The following FAM53B variants were observed in gnomAD, a reference collection of about 807,000 sequenced individuals.
FAM53B encodes the protein protein FAM53B.
In FAM53B, 12 loss-of-function variants were observed where a neutral mutation model predicts 32.7. The observed-to-expected ratio is 0.37, with a 90% CI of 0.24 to 0.59. The LOEUF is 0.59. FAM53B is among the 20% of genes least tolerant of loss of function. The pLI is 0.72. For missense variants in FAM53B, 477 were observed against 577.7 expected (o/e 0.83, Z 1.79); for synonymous variants, 234 against 228.7 (o/e 1.02, Z -0.21).
At chr10:124,727,623 A>T (rs1202065944) in intron 1 of FAM53B, among the ~76,000 whole-genome samples, 1 of 152,060 alleles carries the variant, frequency 6.6e-6, no homozygotes, top group Non-Finnish European at 1.5e-5. Context: ...CTGTGCCAAT[A>T]ACCTGGAGAG....
chr10:124,663,645 A>G (rs1476076414), intron 4 of FAM53B, among the ~76,000 whole-genome samples: 1 of 152,186 alleles, frequency 6.6e-6, no homozygotes, highest in Non-Finnish European at 1.5e-5. Context: ...GAGGTTCTGA[A>G]GTCCCATCGT....
At position 124,671,189 on chromosome 10, in the gene FAM53B, T is replaced by G. The variant is rs117728936; in HGVS notation, c.906+10418A>C. The G allele has an allele frequency of 4.4e-3, 1,983 of 453,534 alleles. 12 individuals are homozygous for G. The highest frequency in any genetic ancestry group is 7.1e-3 in the Non-Finnish European group (1,587 of 223,982). The allele number at this position is 453,534 out of a possible 1,614,324, so 28.1% of individuals were successfully genotyped here. A position where few individuals can be genotyped will look rare whatever the true frequency, so the allele number is the denominator to read the frequency against. ...AGCAATCTGCTCCATTCACAGCAGT[T>G]GCTTCCCATTTGCTGCATTTCCAAC... On this transcript the variant is annotated intron_variant, in intron 4 of 4. Transcript: ENST00000337318.
At chr10:124,653,907 A>G (rs567120100) in intron 4 of FAM53B, among the ~76,000 whole-genome samples, 216 of 152,346 alleles carry the variant, frequency 1.4e-3, no homozygotes, top group African/African-American at 4.5e-3. Flanking sequence ...AGTGCTGTGC[A>G]GAAACTCAGC....
intron 4 of FAM53B, among the ~76,000 whole-genome samples, chr10:124,661,697 T>G (rs1237046429): frequency 6.6e-6 from 1 of 152,230 alleles, no homozygotes; most frequent in East Asian, 1.9e-4. Flanking sequence ...AGGGGGTTCC[T>G]TCAACAGGTT....
At chr10:124,715,574 G>A (rs547225085) in intron 1 of FAM53B, among the ~76,000 whole-genome samples, 1 of 152,300 alleles carries the variant, frequency 6.6e-6, no homozygotes, top group South Asian at 2.1e-4. Context: ...CCCTCCACGT[G>A]TGCAGCCTAG....
chr10:124,727,783 G>A (rs942484874), intron 1 of FAM53B, among the ~76,000 whole-genome samples: 11 of 152,108 alleles, frequency 7.2e-5, no homozygotes, highest in South Asian at 2.1e-4. Context: ...CTGGCCCACC[G>A]TGGACGGCTC....
chr10:124,657,583 A>G (rs1281231071), intron 4 of FAM53B, among the ~76,000 whole-genome samples: 1 of 152,184 alleles, frequency 6.6e-6, no homozygotes, highest in Non-Finnish European at 1.5e-5. Context: ...TTCTCTTCTG[A>G]ACTTTAAACT....
chr10:124,625,200 C>G (rs548392713), intron 4 of FAM53B, among the ~76,000 whole-genome samples: 1 of 152,336 alleles, frequency 6.6e-6, no homozygotes, highest in East Asian at 1.9e-4. Flanking sequence ...AAGGCGCTCT[C>G]TCTGGAGGAA....
At chr10:124,638,983 G>T (rs1178678959) in intron 4 of FAM53B, among the ~76,000 whole-genome samples, 2 of 152,218 alleles carry the variant, frequency 1.3e-5, no homozygotes, top group Non-Finnish European at 2.9e-5. Flanking sequence ...GACTGCATTT[G>T]CTAAGGCTTT....
chr10:124,675,175 G>A (rs2134064945), intron 4 of FAM53B, among the ~76,000 whole-genome samples: 2 of 152,356 alleles, frequency 1.3e-5, no homozygotes, highest in South Asian at 4.1e-4. Flanking sequence ...AGACAGAAAG[G>A]AGGGATCCAG....
intron 3 of FAM53B, among the ~76,000 whole-genome samples, chr10:124,685,704 C>T (rs1342446522): frequency 6.6e-6 from 1 of 152,234 alleles, no homozygotes; most frequent in African/African-American, 2.4e-5. Context: ...TCTTCCCCAT[C>T]TCTAGGGAAA....
intron 4 of FAM53B, among the ~76,000 whole-genome samples, chr10:124,657,605 A>G (rs1949601754): frequency 6.6e-6 from 1 of 152,214 alleles, no homozygotes; most frequent in Non-Finnish European, 1.5e-5. Context: ...TTTTACAAGT[A>G]TGCATTAATT....
rs531007049 is a variant in FAM53B, at chr10:124,692,500, A to T, written c.133+3658T>A. On this transcript the variant is annotated intron_variant, in intron 3 of 4. Coordinates refer to ENST00000337318, the MANE Select transcript of FAM53B (RefSeq NM_014661.4). ...GAGGCTGAGGCGGGTGGATCACCTG[A>T]GGTCAAGAGTTCGAGACCAGCCTGA... Among the ~76,000 whole-genome samples, 111 of 152,100 alleles carry T rather than the reference A, an allele frequency of 7.3e-4. 3 individuals are homozygous for T. In the South Asian group the frequency reaches 0.022, roughly 30 times the overall value.
intron 2 of FAM53B, among the ~76,000 whole-genome samples, chr10:124,702,056 C>G (rs1177975329): frequency 6.6e-6 from 1 of 152,106 alleles, no homozygotes; most frequent in East Asian, 1.9e-4. Flanking sequence ...TTGCGAGGAC[C>G]CTGGTGACTT....
chr10:124,623,837 T>C, intron 4 of FAM53B: 1 of 503,982 alleles, frequency 2.0e-6, no homozygotes, highest in Non-Finnish European at 3.5e-6. Context: ...ATTCACCTAC[T>C]AACTCGGCAA....
intron 1 of FAM53B, among the ~76,000 whole-genome samples, chr10:124,711,612 C>T (rs1011200644): frequency 1.3e-5 from 2 of 152,096 alleles, no homozygotes; most frequent in Admixed American, 6.5e-5. Context: ...GTGTATTATG[C>T]TATATATAAG....
chr10:124,638,268 G>C (rs978623696), intron 4 of FAM53B, among the ~76,000 whole-genome samples: 1 of 152,144 alleles, frequency 6.6e-6, no homozygotes, highest in African/African-American at 2.4e-5. Context: ...TACTCGGGAG[G>C]CTGAGGCAGG....
At chr10:124,638,036 C>T (rs886944627) in intron 4 of FAM53B, among the ~76,000 whole-genome samples, 1 of 152,140 alleles carries the variant, frequency 6.6e-6, no homozygotes, top group African/African-American at 2.4e-5. Flanking sequence ...GAATGAAGGA[C>T]TGAAATGATG....
chr10:124,660,917 T>G (rs965698519), intron 4 of FAM53B, among the ~76,000 whole-genome samples: 2 of 152,084 alleles, frequency 1.3e-5, no homozygotes, highest in Admixed American at 6.6e-5. Flanking sequence ...AAAACTTTAT[T>G]TATAAAAACA....
Sources: gnomAD v4.1 joint callset for allele counts (sites outside exome capture counted in the v4.1 genomes callset) on GRCh38, gnomAD v4.1.1 for gene constraint, MANE v1.5 for transcripts, NCBI Gene and HGNC (gene_info 2026-07-23, HGNC 2026-07-21) for gene names.